The following TRIM68 variants were observed in gnomAD, a reference collection of about 807,000 sequenced individuals.
TRIM68 encodes the protein E3 ubiquitin-protein ligase TRIM68.
Under a neutral mutation model 41.9 loss-of-function variants are expected in TRIM68, and 36 were observed. That is an observed-to-expected ratio of 0.86 (90% CI 0.66 to 1.14). The LOEUF (loss-of-function observed/expected upper bound fraction) is 1.14. TRIM68 is among the 50% of genes most tolerant of loss of function. The probability of loss-of-function intolerance (pLI) is 0.00; values close to 1 mark genes in which losing one functional copy is unlikely to be tolerated. For synonymous variants in TRIM68, 225 were observed against 224.6 expected, an observed-to-expected ratio of 1.00 and a Z score of -0.02; for missense variants, 632 against 605.1, an observed-to-expected ratio of 1.04 and a Z score of -0.47.
chr11:4,601,041 A>C lies in TRIM68; in HGVS notation c.893T>G (p.Leu298Arg), dbSNP rs750843546. The change falls in exon 6 of 7, where the codon CTG becomes CGG. Residue 298 changes from leucine (L) to arginine (R), a missense_variant. Coordinates refer to ENST00000300747, the MANE Select transcript of TRIM68 (RefSeq NM_018073.8). Reference protein sequence around the residue: ...DCRVLGLREILKTYAADVRLD... With the variant: ...DCRVLGLREIRKTYAADVRLD... Reference sequence around the variant, plus strand: ...GGATCCATTACCTGCATAAGTCTTCAGGATCTCTCTTAGCCCCAGCACACG... The same window carrying C: ...GGATCCATTACCTGCATAAGTCTTCCGGATCTCTCTTAGCCCCAGCACACG... 6.2e-7 allele frequency: 1 copy of C among 1,614,118 alleles called. No homozygotes were observed. The highest frequency in any genetic ancestry group is 8.5e-7 in the Non-Finnish European group (1 of 1,179,958).
At position 4,600,786 on chromosome 11, in the gene TRIM68, G is replaced by C; in HGVS notation, c.948C>G (p.Leu316=). ...CACGTTTTCTGTCCTCAGACACGAT[G>C]AGACGGGAGTAAGCAGTATCTGGAT... ...RLDPDTAYSR[L]IVSEDRKRVH... Residue 316 remains leucine (L), a synonymous_variant, in exon 7 of 7, where the codon CTC becomes CTG. Coordinates refer to ENST00000300747, the MANE Select transcript of TRIM68 (RefSeq NM_018073.8). 1.2e-6 allele frequency: 2 copies of C among 1,614,160 alleles called. No individual in the cohort carries two copies. The highest frequency in any genetic ancestry group is 1.3e-5 in the African/African-American group (1 of 75,044).
At chr11:4,604,937 G>T in intron 2 of TRIM68, 142 bp downstream of exon 2, 1 of 851,180 alleles carries the variant, frequency 1.2e-6, no homozygotes, top group Non-Finnish European at 1.8e-6. Flanking sequence ...ATAGCTCTCT[G>T]TATCAGATTC....
rs1589847508 is a variant in TRIM68 at position 4,600,042 on chromosome 11, T to G, written c.*234A>C. 2.1e-6 allele frequency: 1 copy of G among 473,950 alleles called. No homozygotes were observed. The highest frequency in any genetic ancestry group is 3.2e-5 in the East Asian group (1 of 31,292). 29.4% of individuals were successfully genotyped at this position (473,950 alleles called of 1,614,324 possible). Reference sequence around the variant, plus strand: ...CTGCTCTGATCCTCACCATCAGCCCTGTCGTGCTTCCCTCATGGGATGCAA... The same window carrying G: ...CTGCTCTGATCCTCACCATCAGCCCGGTCGTGCTTCCCTCATGGGATGCAA... On this transcript the variant is annotated 3_prime_UTR_variant, in exon 7 of 7. Transcript: ENST00000300747.
At chr11:4,601,902 G>T in intron 4 of TRIM68, 1 of 764,366 alleles carries the variant, frequency 1.3e-6, no homozygotes, top group Non-Finnish European at 2.1e-6. Context: ...AAGACTCTCG[G>T]GCTAGAGGAG....
At chr11:4,601,292 G>A (rs1423181247) in intron 5 of TRIM68, 165 bp from the exon 6 acceptor site, 1 of 643,938 alleles carries the variant, frequency 1.6e-6, no homozygotes, top group Non-Finnish European at 2.8e-6. Context: ...TTTGTGTGCA[G>A]AGGTGAGAAC....
intron 1 of TRIM68, among the ~76,000 whole-genome samples, chr11:4,606,252 G>A (rs531815860): frequency 1.3e-5 from 2 of 152,294 alleles, no homozygotes; most frequent in African/African-American, 4.8e-5. Flanking sequence ...TTAAAACAAA[G>A]ATCATTTGAT....
intron 1 of TRIM68, among the ~76,000 whole-genome samples, chr11:4,607,780 G>T (rs1420491727): frequency 6.6e-6 from 1 of 152,186 alleles, no homozygotes; most frequent in African/African-American, 2.4e-5. Flanking sequence ...CGGTTGCTTT[G>T]ACTGTGCCTT....
In TRIM68 at chr11:4,602,204, A is replaced by C; in HGVS notation, c.731T>G (p.Met244Arg). 6.2e-7 allele frequency: 1 copy of C among 1,614,038 alleles called. No individual in the cohort carries two copies. The highest frequency in any genetic ancestry group is 8.5e-7 in the Non-Finnish European group (1 of 1,180,002). ...CGACCTCTCTTTCAACTCTGCAATC[A>C]TCCTCCACAGGACCTGGCTCTGCTG... ...LIQQSQVLWR[M>R]IAELKERSQR... is the part of the protein sequence containing the mutation. Residue 244 changes from methionine to arginine, a missense_variant, in exon 4 of 7, where the codon ATG (methionine) becomes AGG (arginine). Coordinates refer to ENST00000300747, the MANE Select transcript of TRIM68 (RefSeq NM_018073.8).
At position 4,602,301 on chromosome 11, in the gene TRIM68, C is replaced by G. The variant is rs1846504037; in HGVS notation, c.634G>C (p.Ala212Pro). 1.2e-6 allele frequency: 2 copies of G among 1,614,212 alleles called. No homozygotes were observed. The highest frequency in any genetic ancestry group is 2.2e-5 in the East Asian group (1 of 44,882). The part of the protein sequence containing the change: ...HRQLGAEVAA[A>P]LASLQREAAE... Reference sequence around the variant, plus strand: ...GCCTCCCGCTGTAGGCTGGCCAGAGCTGCTGCTACCTCTGCCCCCAGCTGC... The same window carrying G: ...GCCTCCCGCTGTAGGCTGGCCAGAGGTGCTGCTACCTCTGCCCCCAGCTGC... Residue 212 changes from alanine (A) to proline (P), a missense_variant, in exon 4 of 7, where the codon GCT becomes CCT. By Grantham distance (27) the Ala-to-Pro change is conservative. Coordinates refer to ENST00000300747, the MANE Select transcript of TRIM68 (RefSeq NM_018073.8).
rs143243706 is a variant in TRIM68, at chr11:4,607,385, G to A, written c.-58+642C>T. 1.4e-4 allele frequency among the ~76,000 whole-genome samples: 22 copies of A among 152,316 alleles called. No individual in the cohort carries two copies. In the South Asian group the frequency reaches 4.1e-3, roughly 29 times the overall value. ...TTCCAACCGATAGTAGATTGAAAGTGGAGGATGTGTTAATATCCTTAGCTA... is the reference window on the plus strand; with the variant it reads ...TTCCAACCGATAGTAGATTGAAAGTAGAGGATGTGTTAATATCCTTAGCTA... On this transcript the variant is annotated intron_variant, in intron 1 of 6. Transcript: ENST00000300747.
At chr11:4,606,535 A>C (rs1846572442) in intron 1 of TRIM68, among the ~76,000 whole-genome samples, 1 of 152,368 alleles carries the variant, frequency 6.6e-6, no homozygotes, top group African/African-American at 2.4e-5. Flanking sequence ...TTAACCAGCT[A>C]GACATAGGAA....
At chr11:4,603,474 G>A (rs953288562) in intron 2 of TRIM68, 134 bp from the exon 3 acceptor site, 1 of 718,834 alleles carries the variant, frequency 1.4e-6, no homozygotes, top group Admixed American at 2.5e-5. Flanking sequence ...ATGCCACAGA[G>A]GAAGCAGACT....
intron 4 of TRIM68, 120 bp from the exon 5 acceptor site, chr11:4,601,806 G>A (rs1846493356): frequency 8.3e-7 from 1 of 1,201,950 alleles, no homozygotes; most frequent in East Asian, 2.3e-5. Context: ...ATGGAGAGAT[G>A]CCATGCAGAG....
At chr11:4,601,748 T>G in intron 4 of TRIM68, 62 bp from the exon 5 acceptor site, 1 of 1,595,284 alleles carries the variant, frequency 6.3e-7, no homozygotes, top group Admixed American at 1.7e-5. Context: ...GGAACAGACA[T>G]CGAACTGGCA....
At chr11:4,603,164 T>A (rs7943486) in intron 3 of TRIM68, 81 bp downstream of exon 3, 5 of 1,256,062 alleles carry the variant, frequency 4.0e-6, no homozygotes, top group Non-Finnish European at 5.8e-6. Context: ...TGCCTCACAG[T>A]GATGAGAATG....
chr11:4,602,144 C>CT lies in TRIM68; in HGVS notation c.783+7dup, dbSNP rs1478586625. 6.2e-7 allele frequency: 1 copy of CT among 1,614,186 alleles called. No individual in the cohort carries two copies. Among genetic ancestry groups the CT allele is most frequent in the Non-Finnish European group, 8.5e-7 (1 of 1,180,022 alleles). On this transcript the variant is annotated splice_region_variant and intron_variant, in intron 4 of 6. Coordinates refer to ENST00000300747, the MANE Select transcript of TRIM68 (RefSeq NM_018073.8). ...CACTCAGGGTTACCAGGAAAACCTACTACTCACCTGCAACATCCAGCGGAC... is the reference window on the plus strand; with the variant it reads ...CACTCAGGGTTACCAGGAAAACCTACTTACTCACCTGCAACATCCAGCGGAC...
chr11:4,603,156 CCTCACAGT>C, intron 3 of TRIM68, 81 bp downstream of exon 3: 1 of 1,204,770 alleles, frequency 8.3e-7, no homozygotes, highest in South Asian at 1.2e-5. Flanking sequence ...TCACATTCTG[CCTCACAGT>C]GATGAGAATG....
At chr11:4,602,979 T>A (rs1846515694) in intron 3 of TRIM68, among the ~76,000 whole-genome samples, 1 of 152,240 alleles carries the variant, frequency 6.6e-6, no homozygotes, top group Non-Finnish European at 1.5e-5. Flanking sequence ...CACTGTGAGC[T>A]GACACACGTG....
chr11:4,606,576 T>C (rs563614414), intron 1 of TRIM68, among the ~76,000 whole-genome samples: 38 of 152,318 alleles, frequency 2.5e-4, no homozygotes, highest in Middle Eastern at 3.4e-3. Context: ...CCTTTTAGCA[T>C]TTGTGAGGTA....
Sources: allele counts gnomAD v4.1 joint callset (sites outside exome capture counted in the v4.1 genomes callset), GRCh38; gene constraint gnomAD v4.1.1; transcripts MANE v1.5; gene names NCBI Gene and HGNC (gene_info 2026-07-23, HGNC 2026-07-21).